Variants in RYR2 observed in about 807,000 individuals in gnomAD.
The protein encoded by RYR2 is ryanodine receptor 2, also known as cardiac muscle ryanodine receptor-calcium release channel.
Under a neutral mutation model 601.1 loss-of-function variants are expected in RYR2, and 227 were observed. That is an observed-to-expected ratio of 0.38 (90% CI 0.34 to 0.42). RYR2 has a LOEUF of 0.42. Ranked by LOEUF, RYR2 falls within the 10% of genes least tolerant of loss-of-function variation. The pLI is 1.00. For synonymous variants in RYR2, 2,223 were observed against 2,175.1 expected, an observed-to-expected ratio of 1.02 and a Z score of -0.61; for missense variants, 4,646 against 6,156.5, an observed-to-expected ratio of 0.75 and a Z score of 8.21.
At chr1:237,370,884 TCTC>T (rs1700587064) in intron 6 of RYR2, among the ~76,000 whole-genome samples, 1 of 152,118 alleles carries the variant, frequency 6.6e-6, no homozygotes, top group Non-Finnish European at 1.5e-5. Flanking sequence ...ATGGTCTCGA[TCTC>T]CTGACCTGGT....
intron 14 of RYR2, among the ~76,000 whole-genome samples, chr1:237,447,881 T>C (rs1200207047): frequency 6.7e-6 from 1 of 149,124 alleles, no homozygotes; most frequent in Admixed American, 6.7e-5. Context: ...TCTTTCCTTT[T>C]CTTTTCTTTC....
chr1:237,207,585 C>A (rs1681960663), intron 1 of RYR2, among the ~76,000 whole-genome samples: 1 of 152,142 alleles, frequency 6.6e-6, no homozygotes, highest in African/African-American at 2.4e-5. Context: ...TCTTCTTTTG[C>A]CCTTCTGCCT....
chr1:237,749,433 C>CTAT (rs3036582), intron 80 of RYR2, among the ~76,000 whole-genome samples: 45,868 of 149,996 alleles, frequency 0.31, 7,429 homozygotes, highest in Non-Finnish European at 0.38. Context: ...TAAATATTTG[C>CTAT]TATTATTATT....
At chr1:237,648,702 A>G in intron 49 of RYR2, 89 bp downstream of exon 49, 1 of 1,364,924 alleles carries the variant, frequency 7.3e-7, no homozygotes. Context: ...TCATTAATTT[A>G]TTGACAATGA....
intron 1 of RYR2, among the ~76,000 whole-genome samples, chr1:237,229,227 AT>A (rs1684714427): frequency 6.6e-6 from 1 of 152,218 alleles, no homozygotes; most frequent in Admixed American, 6.5e-5. Context: ...AAATGCCTAT[AT>A]TAACTCATGA....
In RYR2 at chr1:237,652,752, C is replaced by G. The variant is rs139776901; in HGVS notation, c.7824+1251C>G. On this transcript the variant is annotated intron_variant, in intron 51 of 104. Coordinates refer to ENST00000366574, the MANE Select transcript of RYR2 (RefSeq NM_001035.3). ...GCTGGAAAATTCGTGAAAAAAGATA[C>G]AGTCTCATGCTGTTACCCTTATGCA... 9.9e-4 allele frequency among the ~76,000 whole-genome samples: 151 copies of G among 152,202 alleles called. 1 individual carries two copies. Among genetic ancestry groups the G allele is most frequent in the African/African-American group, 3.3e-3 (138 of 41,536 alleles).
intron 27 of RYR2, among the ~76,000 whole-genome samples, chr1:237,552,205 A>C (rs1670469617): frequency 6.6e-6 from 1 of 152,182 alleles, no homozygotes; most frequent in African/African-American, 2.4e-5. Context: ...TGTCTCAAAG[A>C]GTGTACAGTC....
chr1:237,450,415 G>A (rs1293545064), intron 14 of RYR2, among the ~76,000 whole-genome samples: 1 of 152,070 alleles, frequency 6.6e-6, no homozygotes, highest in Non-Finnish European at 1.5e-5. Context: ...GTAAACTGAG[G>A]CAGCTGTAGG....
chr1:237,100,226 A>C (rs776954933), intron 1 of RYR2, among the ~76,000 whole-genome samples: 2 of 152,174 alleles, frequency 1.3e-5, no homozygotes, highest in Non-Finnish European at 2.9e-5. Context: ...GAGGTGAAAG[A>C]GCATGCATTT....
intron 3 of RYR2, among the ~76,000 whole-genome samples, chr1:237,350,606 T>A (rs868548582): frequency 1.6e-3 from 110 of 68,084 alleles, no homozygotes; most frequent in East Asian, 0.015. Context: ...AAAAAAAATA[T>A]ATATATATAT....
chr1:237,655,917 A>G lies in RYR2; in HGVS notation c.8062A>G (p.Met2688Val). The change falls in exon 53 of 105, where the codon ATG (methionine) becomes GTG (valine). Residue 2688 changes from methionine to valine, a missense_variant. Physicochemically the swap from Met to Val is conservative, Grantham distance 21. This residue lies in a region of RYR2 where 1,497 missense variants were observed against 1,842.6 expected (regional missense o/e 0.81). Coordinates refer to ENST00000366574, the MANE Select transcript of RYR2 (RefSeq NM_001035.3). ...CTACATGGAGTCAAATTATGTCAGT[A>G]TGATGGAAAAACAGTCATCAATGGA... ...PDYMESNYVS[M>V]MEKQSSMDSE... The G allele has an allele frequency of 6.2e-7, 1 of 1,613,186 alleles. No individual in the cohort carries two copies.
chr1:237,423,655 T>C (rs1223250352), intron 12 of RYR2, among the ~76,000 whole-genome samples: 4 of 152,142 alleles, frequency 2.6e-5, no homozygotes, highest in African/African-American at 4.8e-5. Context: ...TTCTTAAGCA[T>C]TGACAGTATA....
intron 1 of RYR2, among the ~76,000 whole-genome samples, chr1:237,199,629 C>A (rs556379484): frequency 6.6e-6 from 1 of 152,270 alleles, no homozygotes; most frequent in African/African-American, 2.4e-5. Flanking sequence ...TTGCCAGCAC[C>A]CTCATAGGCA....
Position 237,478,023 on chromosome 1 carries a change from C to T in RYR2, c.1708+8836C>T, listed in dbSNP as rs528845299. ...AGGTACCTGCTCTGGAGAGAGGTGA[C>T]CAGGATGAGGTCTCAGAGTGTAGTC... On this transcript the variant is annotated intron_variant, in intron 17 of 104. Transcript: ENST00000366574. 3.3e-5 allele frequency among the ~76,000 whole-genome samples: 5 copies of T among 152,148 alleles called. No homozygotes were observed. In the South Asian group the frequency reaches 1.0e-3, roughly 32 times the overall value.
intron 1 of RYR2, among the ~76,000 whole-genome samples, chr1:237,178,962 T>G (rs1381184725): frequency 6.6e-6 from 1 of 152,236 alleles, no homozygotes; most frequent in African/African-American, 2.4e-5. Context: ...CAGTGTTGAT[T>G]AGGCTGTCTT....
rs566520698 is a variant in RYR2, at chr1:237,306,424, C to G, written c.169-24454C>G. 1.9e-3 allele frequency among the ~76,000 whole-genome samples: 285 copies of G among 152,260 alleles called. 1 individual carries two copies. Among genetic ancestry groups the G allele is most frequent in the African/African-American group, 6.5e-3 (269 of 41,556 alleles). ...AATACTCGTGTATGCAGTCTATGGACTATTCTATCATTTAATCTATTTATG... is the reference window on the plus strand; with the variant it reads ...AATACTCGTGTATGCAGTCTATGGAGTATTCTATCATTTAATCTATTTATG... On this transcript the variant is annotated intron_variant, in intron 2 of 104. Coordinates refer to ENST00000366574, the MANE Select transcript of RYR2 (RefSeq NM_001035.3).
intron 98 of RYR2, among the ~76,000 whole-genome samples, chr1:237,803,087 A>G (rs1467610132): frequency 6.6e-6 from 1 of 152,212 alleles, no homozygotes; most frequent in Admixed American, 6.5e-5. Context: ...AGTTAAATGT[A>G]AATTTTAGAT....
chr1:237,665,482 C>T (rs894105061), intron 56 of RYR2, among the ~76,000 whole-genome samples: 1 of 152,028 alleles, frequency 6.6e-6, no homozygotes, highest in African/African-American at 2.4e-5. Context: ...GTGGCAGTCC[C>T]TGAAACCAGG....
At chr1:237,288,440 G>C (rs1691809346) in intron 2 of RYR2, among the ~76,000 whole-genome samples, 1 of 151,858 alleles carries the variant, frequency 6.6e-6, no homozygotes, top group African/African-American at 2.4e-5. Flanking sequence ...GGTAGGGGAG[G>C]GCTAGGCACG....
Sources: allele counts gnomAD v4.1 joint callset (sites outside exome capture counted in the v4.1 genomes callset), GRCh38; gene constraint gnomAD v4.1.1; regional missense constraint gnomAD v4.1.1; transcripts MANE v1.5; gene names NCBI Gene and HGNC (gene_info 2026-07-23, HGNC 2026-07-21).